The following MYO9A variants were observed in gnomAD, a reference collection of about 807,000 sequenced individuals.
MYO9A encodes myosin IXA, also known as unconventional myosin-IXa.
MYO9A carries 103 observed loss-of-function variants against 293.3 expected under a neutral mutation model. That is an observed-to-expected ratio of 0.35 (90% CI 0.30 to 0.41). The LOEUF is 0.41. Among genes scored for constraint, MYO9A ranks in the 10% least tolerant of loss-of-function variants. The probability of loss-of-function intolerance (pLI) is 1.00; values close to 1 mark genes in which losing one functional copy is unlikely to be tolerated. For synonymous variants in MYO9A, 1,001 were observed against 1,035.7 expected, an observed-to-expected ratio of 0.97 and a Z score of 0.64; for missense variants, 2,685 against 3,033.0, an observed-to-expected ratio of 0.89 and a Z score of 2.69.
Position 71,898,276 on chromosome 15 carries a change from T to C in MYO9A, c.4227A>G (p.Lys1409=), listed in dbSNP as rs2057388781. The C allele has an allele frequency of 1.2e-6, 2 of 1,614,186 alleles. No individual in the cohort carries two copies. The highest frequency in any genetic ancestry group is 1.7e-6 in the Non-Finnish European group (2 of 1,180,038). The change falls in exon 25 of 42, where the codon AAA becomes AAG. Residue 1409 remains lysine (K), a synonymous_variant. Transcript: ENST00000356056. ...SESITCKPQL[K]DSFISNSLPT... is the part of the protein sequence containing the mutation. ...GTAGACTATTTGAAATGAAGGAGTCTTTCAGCTGTGGTTTACAGGTAATAG... is the reference window on the plus strand; with the variant it reads ...GTAGACTATTTGAAATGAAGGAGTCCTTCAGCTGTGGTTTACAGGTAATAG...
chr15:71,994,268 G>T (rs375140078), intron 10 of MYO9A, among the ~76,000 whole-genome samples: 6 of 152,026 alleles, frequency 3.9e-5, no homozygotes, highest in Non-Finnish European at 7.4e-5. Flanking sequence ...GAATATACAC[G>T]TTCGGGAGGT....
chr15:71,994,481 C>A lies in MYO9A; in HGVS notation c.1575G>T (p.Glu525Asp). The A allele has an allele frequency of 6.3e-7, 1 of 1,582,692 alleles. No homozygotes were observed. The highest frequency in any genetic ancestry group is 1.8e-5 in the Admixed American group (1 of 55,888). The change falls in exon 10 of 42, where the codon GAG becomes GAT. Residue 525 changes from glutamate to aspartate, a missense_variant. This residue lies in a region of MYO9A where 201 missense variants were observed against 245.2 expected (regional missense o/e 0.82). Coordinates refer to ENST00000356056, the MANE Select transcript of MYO9A (RefSeq NM_006901.4). ...NHALLNSKDL[E>D]HNTKTLSIGV... ...AATATATCATTACCTTGGTATTATG[C>A]TCTAAATCTTTACTATTCAGAAGTG...
rs560113488 is a variant in MYO9A at position 71,836,382 on chromosome 15, G to A, written c.6838-6071C>T. On this transcript the variant is annotated intron_variant, in intron 39 of 41. Coordinates refer to ENST00000356056, the MANE Select transcript of MYO9A (RefSeq NM_006901.4). ...AATCTGGCAAAAGAAGTGCTGGAAG[G>A]AGGTGGAGCAATTGGGAATTCCTAC... Among the ~76,000 whole-genome samples the A allele has an allele frequency of 7.2e-5, 11 of 152,164 alleles. No individual in the cohort carries two copies. The East Asian group carries it at 1.9e-3, about 27-fold the overall frequency.
chr15:72,112,235 A>C (rs573430427), intron 1 of MYO9A, among the ~76,000 whole-genome samples: 9 of 152,344 alleles, frequency 5.9e-5, no homozygotes, highest in Non-Finnish European at 1.0e-4. Flanking sequence ...AAATAAAAAA[A>C]ACACACACAA....
chr15:72,070,876 T>C (rs2079169753), intron 1 of MYO9A, among the ~76,000 whole-genome samples: 1 of 152,192 alleles, frequency 6.6e-6, no homozygotes, highest in Admixed American at 6.5e-5. Flanking sequence ...ACTGGACCCC[T>C]ACCTCTCACC....
intron 1 of MYO9A, among the ~76,000 whole-genome samples, chr15:72,105,047 T>C (rs1271925320): frequency 6.6e-6 from 1 of 152,172 alleles, no homozygotes; most frequent in Admixed American, 6.5e-5. Context: ...GCAAATCATC[T>C]ACTGTCCCTT....
chr15:72,032,725 T>C (rs2077913331), intron 2 of MYO9A, 137 bp from the exon 3 acceptor site: 3 of 477,468 alleles, frequency 6.3e-6, no homozygotes, highest in Admixed American at 4.1e-5. Context: ...TGCTTGTATG[T>C]TCAGACTCAT....
chr15:71,826,659 C>CTGTGGA lies in MYO9A; in HGVS notation c.7567_7568insTCCACA (p.Gly2523delinsValHisSer). ...GTCTGGGTCCACAGTTTTTCTGCGG[C>CTGTGGA]CAGACATGACTGTCCCCTCTGGGGT... is the stretch of plus-strand genomic sequence containing the variant. On this transcript the variant is annotated protein_altering_variant, in exon 42 of 42. Coordinates refer to ENST00000356056, the MANE Select transcript of MYO9A (RefSeq NM_006901.4). 7 of 1,613,296 alleles carry CTGTGGA rather than the reference C, an allele frequency of 4.3e-6. No homozygotes were observed. Among genetic ancestry groups the CTGTGGA allele is most frequent in the Non-Finnish European group, 5.9e-6 (7 of 1,179,832 alleles).
At chr15:71,913,878 T>C (rs990982816) in intron 19 of MYO9A, among the ~76,000 whole-genome samples, 7 of 83,342 alleles carry the variant, frequency 8.4e-5, no homozygotes, top group African/African-American at 2.1e-4. Context: ...TAATGCCTCA[T>C]GTAATAAAAG....
intron 30 of MYO9A, 81 bp downstream of exon 30, chr15:71,879,640 G>A (rs373593706): frequency 2.9e-5 from 28 of 977,838 alleles, no homozygotes; most frequent in African/African-American, 2.7e-4. Flanking sequence ...ACGAAACATG[G>A]CTTTTGTATT....
rs768371282 is a variant in MYO9A, at chr15:72,050,627, TAAAC to T, written c.-71-3997_-71-3994del. Among the ~76,000 whole-genome samples, 172 of 150,842 alleles carry T rather than the reference TAAAC, an allele frequency of 1.1e-3. 1 individual carries two copies. The highest frequency in any genetic ancestry group is 3.4e-3 in the African/African-American group (137 of 40,594). On this transcript the variant is annotated intron_variant, in intron 1 of 41. Transcript: ENST00000356056. Reference sequence around the variant, plus strand: ...GTCTCTAAATAAATAAATAAATAAATAAACAAACAAACAAACAAAATTTTTTTTT... The same window carrying T: ...GTCTCTAAATAAATAAATAAATAAATAAACAAACAAACAAAATTTTTTTTT...
chr15:71,824,738 A>G lies in MYO9A; in HGVS notation c.*1842T>C, dbSNP rs906183569. The G allele has an allele frequency of 6.6e-6, 1 of 152,168 alleles. No homozygotes were observed. The highest frequency in any genetic ancestry group is 2.4e-5 in the African/African-American group (1 of 41,396). 9.4% of individuals were successfully genotyped at this position (152,168 alleles called of 1,614,324 possible). On this transcript the variant is annotated 3_prime_UTR_variant, in exon 42 of 42. Coordinates refer to ENST00000356056, the MANE Select transcript of MYO9A (RefSeq NM_006901.4). ...AAAGCATAACATTTGCTCATTAACT[A>G]TCATTATTCTGGAGATTTTAATGGC...
intron 11 of MYO9A, among the ~76,000 whole-genome samples, chr15:71,985,231 G>A (rs2076380300): frequency 6.6e-6 from 1 of 151,908 alleles, no homozygotes; most frequent in Non-Finnish European, 1.5e-5. Context: ...CATTTCTCGT[G>A]GTTTTTATTC....
At chr15:72,041,056 G>A in intron 2 of MYO9A, 1 of 426,662 alleles carries the variant, frequency 2.3e-6, no homozygotes, top group South Asian at 1.9e-5. Flanking sequence ...ACCAGCCTGG[G>A]CAACATGGTA....
intron 1 of MYO9A, among the ~76,000 whole-genome samples, chr15:72,074,046 A>G (rs959539164): frequency 2.0e-5 from 3 of 152,216 alleles, no homozygotes; most frequent in African/African-American, 7.2e-5. Flanking sequence ...AAGAAGCTAT[A>G]AACAAAAATT....
In MYO9A at chr15:71,984,082, AT is replaced by A. The variant is rs544707836; in HGVS notation, c.1723-5791del. ...AACTTTACAATGGGGTGAAACTGTC[AT>A]AATTTCTGCAGACTTTATCTTTGCC... On this transcript the variant is annotated intron_variant, in intron 11 of 41. Coordinates refer to ENST00000356056, the MANE Select transcript of MYO9A (RefSeq NM_006901.4). 4.7e-4 allele frequency among the ~76,000 whole-genome samples: 72 copies of A among 152,344 alleles called. 2 individuals carry two copies. The South Asian group carries it at 0.014, about 30-fold the overall frequency.
At chr15:72,055,982 C>T (rs576254265) in intron 1 of MYO9A, among the ~76,000 whole-genome samples, 2 of 152,308 alleles carry the variant, frequency 1.3e-5, no homozygotes, top group African/African-American at 4.8e-5. Flanking sequence ...AATCCCAGCA[C>T]TTTAGGAGGC....
At chr15:71,862,430 A>C in intron 33 of MYO9A, 70 bp downstream of exon 33, 2 of 1,199,906 alleles carry the variant, frequency 1.7e-6, no homozygotes, top group Non-Finnish European at 2.5e-6. Context: ...GTTAAAGGAG[A>C]TATAAGACAA....
chr15:72,069,809 T>C (rs923183326), intron 1 of MYO9A, among the ~76,000 whole-genome samples: 1 of 116,398 alleles, frequency 8.6e-6, no homozygotes, highest in African/African-American at 3.2e-5. Context: ...TCAATTAGAA[T>C]GGGGGGGTGG....
Sources: gnomAD v4.1 joint callset for allele counts (sites outside exome capture counted in the v4.1 genomes callset) on GRCh38, gnomAD v4.1.1 for gene constraint, gnomAD v4.1.1 regional missense constraint, MANE v1.5 for transcripts, NCBI Gene and HGNC (gene_info 2026-07-23, HGNC 2026-07-21) for gene names.